EEA1: variants seen among roughly 807,000 people sequenced by gnomAD.
The protein encoded by EEA1 is early endosome antigen 1.
A neutral mutation model predicts 209.2 loss-of-function variants in EEA1; 111 were observed. That is an observed-to-expected ratio of 0.53 (90% CI 0.45 to 0.62). EEA1 has a LOEUF of 0.62. EEA1 is among the 20% of genes least tolerant of loss of function. EEA1 has a pLI of 0.00. For missense variants in EEA1, 1,343 were observed against 1,530.8 expected (o/e 0.88, Z 2.05); for synonymous variants, 536 against 540.6 (o/e 0.99, Z 0.12).
chr12:92,823,308 C>T (rs1328667058), intron 13 of EEA1, among the ~76,000 whole-genome samples: 3 of 152,164 alleles, frequency 2.0e-5, no homozygotes, highest in Non-Finnish European at 4.4e-5. Context: ...TATAAACTTA[C>T]CCATATCTAA....
chr12:92,801,648 T>C lies in EEA1; in HGVS notation c.2724A>G (p.Thr908=). The C allele has an allele frequency of 6.3e-7, 1 of 1,598,652 alleles. No individual in the cohort carries two copies. The highest frequency in any genetic ancestry group is 8.5e-7 in the Non-Finnish European group (1 of 1,174,862). The change falls in exon 20 of 29, where the codon ACA becomes ACG. Residue 908 remains threonine, a synonymous_variant. Coordinates refer to ENST00000322349, the MANE Select transcript of EEA1 (RefSeq NM_003566.4). The part of the protein sequence containing the change: ...KHQLQVQMEN[T]LKEQKELKKS... ...TTTTCAGTTCCTTCTGTTCCTTAAG[T>C]GTGTTTTCCATCTGCACTTGAAGTT...
At chr12:92,844,269 T>C (rs1262978880) in intron 9 of EEA1, among the ~76,000 whole-genome samples, 1 of 152,146 alleles carries the variant, frequency 6.6e-6, no homozygotes, top group Non-Finnish European at 1.5e-5. Context: ...TAAAAGTCAA[T>C]GAAAATAAGT....
intron 1 of EEA1, among the ~76,000 whole-genome samples, chr12:92,926,818 C>T (rs1226616558): frequency 3.9e-5 from 6 of 152,116 alleles, no homozygotes; most frequent in African/African-American, 9.7e-5. Flanking sequence ...AATATGCCCC[C>T]GTCCCTGAAG....
intron 1 of EEA1, among the ~76,000 whole-genome samples, chr12:92,921,782 C>T (rs1455783987): frequency 7.9e-6 from 1 of 126,356 alleles, no homozygotes; most frequent in Admixed American, 8.2e-5. Context: ...AAAAAAGAAT[C>T]GCTTGAATCC....
intron 10 of EEA1, among the ~76,000 whole-genome samples, chr12:92,833,304 T>G (rs1876747828): frequency 6.6e-6 from 1 of 152,222 alleles, no homozygotes; most frequent in Admixed American, 6.5e-5. Context: ...CCTAACCTAT[T>G]GATTGCATCT....
intron 2 of EEA1, among the ~76,000 whole-genome samples, chr12:92,866,632 A>G (rs1358698012): frequency 2.6e-5 from 4 of 152,066 alleles, no homozygotes; most frequent in African/African-American, 9.7e-5. Flanking sequence ...TCCCAGGTAT[A>G]TAACAATGCA....
chr12:92,899,705 G>A (rs576611879), intron 1 of EEA1, among the ~76,000 whole-genome samples: 7 of 152,332 alleles, frequency 4.6e-5, no homozygotes, highest in African/African-American at 1.7e-4. Context: ...GGGACAAAAG[G>A]TGTTGGAAGA....
chr12:92,779,480 C>T (rs1453654051), intron 24 of EEA1, among the ~76,000 whole-genome samples, 180 bp from the exon 25 acceptor site: 2 of 152,140 alleles, frequency 1.3e-5, no homozygotes, highest in South Asian at 2.1e-4. Context: ...GTATGTCTTG[C>T]TCAACAATCA....
chr12:92,784,669 C>T (rs970961386), intron 22 of EEA1, among the ~76,000 whole-genome samples: 3 of 152,156 alleles, frequency 2.0e-5, no homozygotes, highest in East Asian at 3.8e-4. Context: ...ACATGTTTTC[C>T]CCTGCCTCTG....
Position 92,795,307 on chromosome 12 carries a change from G to A in EEA1, c.2967+3585C>T, listed in dbSNP as rs75193676. Reference sequence around the variant, plus strand: ...CAAATCTCTTCAGCAAAGCTTCTTTGATCACCCAACCTTCAGTAGAATTAT... The same window carrying A: ...CAAATCTCTTCAGCAAAGCTTCTTTAATCACCCAACCTTCAGTAGAATTAT... On this transcript the variant is annotated intron_variant, in intron 21 of 28. Coordinates refer to ENST00000322349, the MANE Select transcript of EEA1 (RefSeq NM_003566.4). Among the ~76,000 whole-genome samples the A allele has an allele frequency of 2.6e-5, 4 of 152,210 alleles. No individual in the cohort carries two copies. In the East Asian group the frequency reaches 7.7e-4, roughly 29 times the overall value.
At chr12:92,874,105 G>C (rs73209508) in intron 2 of EEA1, among the ~76,000 whole-genome samples, 13,632 of 151,786 alleles carry the variant, frequency 0.09, 753 homozygotes, top group South Asian at 0.2. Flanking sequence ...TTGAGCCTAG[G>C]AATTTGAGAC....
At chr12:92,807,030 T>C (rs1008788336) in intron 18 of EEA1, among the ~76,000 whole-genome samples, 1 of 152,088 alleles carries the variant, frequency 6.6e-6, no homozygotes, top group South Asian at 2.1e-4. Context: ...CTCAGCTCAC[T>C]GAAACTTCTG....
chr12:92,883,920 A>T (rs1371335257), intron 2 of EEA1: 33 of 1,561,898 alleles, frequency 2.1e-5, no homozygotes, highest in Non-Finnish European at 2.7e-5. Flanking sequence ...TGAGAGATCC[A>T]AACACAGAGC....
chr12:92,850,639 G>C (rs1333621383), intron 9 of EEA1, among the ~76,000 whole-genome samples: 3 of 122,200 alleles, frequency 2.5e-5, no homozygotes, highest in African/African-American at 6.3e-5. Flanking sequence ...GCAGTGAGCT[G>C]AGATCACGCC....
chr12:92,897,699 A>C (rs913029388), intron 1 of EEA1, among the ~76,000 whole-genome samples: 1 of 152,122 alleles, frequency 6.6e-6, no homozygotes, highest in African/African-American at 2.4e-5. Flanking sequence ...ACCCTCTACC[A>C]GTGACAATAG....
intron 1 of EEA1, among the ~76,000 whole-genome samples, chr12:92,906,833 A>G (rs1880404635): frequency 6.6e-6 from 1 of 152,140 alleles, no homozygotes; most frequent in African/African-American, 2.4e-5. Flanking sequence ...AAAAAATTAA[A>G]TAAAATGTAA....
chr12:92,910,447 C>A (rs138686109), intron 1 of EEA1, among the ~76,000 whole-genome samples: 1 of 150,402 alleles, frequency 6.6e-6, no homozygotes, highest in Non-Finnish European at 1.5e-5. Flanking sequence ...ACAGCCTGGG[C>A]GACAGAGCAA....
chr12:92,888,724 A>G (rs1362659797), intron 2 of EEA1, among the ~76,000 whole-genome samples: 1 of 152,230 alleles, frequency 6.6e-6, no homozygotes, highest in Admixed American at 6.5e-5. Flanking sequence ...TGTGAAGATA[A>G]AAGAAAATAA....
chr12:92,875,204 C>T (rs1161262471), intron 2 of EEA1, among the ~76,000 whole-genome samples: 1 of 152,116 alleles, frequency 6.6e-6, no homozygotes, highest in African/African-American at 2.4e-5. Flanking sequence ...ATAATCCTAG[C>T]ACTTTGAGAG....
Sources: gnomAD v4.1 joint callset for allele counts (sites outside exome capture counted in the v4.1 genomes callset) on GRCh38, gnomAD v4.1.1 for gene constraint, MANE v1.5 for transcripts, NCBI Gene and HGNC (gene_info 2026-07-23, HGNC 2026-07-21) for gene names.